The following SRCIN1 variants were observed in gnomAD, a reference collection of about 807,000 sequenced individuals.
SRCIN1 encodes the protein SRC kinase signaling inhibitor 1, also known as P130Cas-associated protein.
In SRCIN1, 50 loss-of-function variants were observed where a neutral mutation model predicts 116.2. That is an observed-to-expected ratio of 0.43 (90% CI 0.34 to 0.54). SRCIN1 has a LOEUF of 0.54. SRCIN1 is among the 20% of genes least tolerant of loss of function. The pLI is 0.02. For synonymous variants in SRCIN1, 736 were observed against 750.0 expected, an observed-to-expected ratio of 0.98 and a Z score of 0.30; for missense variants, 1,446 against 1,672.0, an observed-to-expected ratio of 0.86 and a Z score of 2.36.
In SRCIN1 at chr17:38,561,846, C is replaced by G. The variant is rs907176113; in HGVS notation, c.1317G>C (p.Ser439=). 1 of 1,473,964 alleles carries G rather than the reference C, an allele frequency of 6.8e-7. No individual in the cohort carries two copies. Among genetic ancestry groups the G allele is most frequent in the East Asian group, 2.7e-5 (1 of 36,486 alleles). 91.3% of individuals were successfully genotyped at this position (1,473,964 alleles called of 1,614,324 possible). A position where few individuals can be genotyped will look rare whatever the true frequency, so the allele number is the denominator to read the frequency against. ...RGSVRSLSTY[S]AAALQSDLED... ...CCAGATCGGACTGCAGCGCGGCGGC[C>G]GAGTAGGTGCTGAGCGAGCGCACCG... Residue 439 remains serine, a synonymous_variant, in exon 7 of 19, where the codon TCG becomes TCC. Coordinates refer to ENST00000617146, the MANE Select transcript of SRCIN1 (RefSeq NM_025248.3).
Position 38,552,852 on chromosome 17 carries a change from G to A in SRCIN1, c.2205C>T (p.Asp735=). The change falls in exon 12 of 19, where the codon GAC becomes GAT. Residue 735 remains aspartate (D), a synonymous_variant. Transcript: ENST00000617146. The surrounding 1 kb of genome is among the most constrained non-coding windows in gnomAD (Gnocchi z 5.3). The stretch of plus-strand genomic sequence containing the variant: ...GGATCTTCTCCACCGATTTCTCCAG[G>A]TCACTGCAGCCACAGAGAGACCCTT... ...DEELITQQLN[D]LEKSVEKIQR... 1 of 1,613,846 alleles carries A rather than the reference G, an allele frequency of 6.2e-7. No individual in the cohort carries two copies. Among genetic ancestry groups the A allele is most frequent in the Non-Finnish European group, 8.5e-7 (1 of 1,179,804 alleles).
At chr17:38,540,428 G>A (rs888527308) in intron 18 of SRCIN1, among the ~76,000 whole-genome samples, 7 of 112,882 alleles carry the variant, frequency 6.2e-5, no homozygotes, top group South Asian at 3.2e-4. Flanking sequence ...GCCGGCCACC[G>A]TAGAGCTCAC....
intron 1 of SRCIN1, among the ~76,000 whole-genome samples, chr17:38,582,290 TG>T (rs1477442943): frequency 6.6e-6 from 1 of 152,026 alleles, no homozygotes; most frequent in Admixed American, 6.5e-5. Context: ...GAGCAAACAG[TG>T]TACCAGCCTG....
At chr17:38,596,053 C>A (rs1331184711) in intron 1 of SRCIN1, among the ~76,000 whole-genome samples, 1 of 152,194 alleles carries the variant, frequency 6.6e-6, no homozygotes, top group Non-Finnish European at 1.5e-5. Flanking sequence ...CCTCCCTCCT[C>A]CTGGCTTACT....
chr17:38,543,258 A>G (rs1904861684), intron 18 of SRCIN1: 1 of 454,096 alleles, frequency 2.2e-6, no homozygotes, highest in Non-Finnish European at 4.4e-6. Context: ...ACTGAAACCC[A>G]AACACAAGGC....
intron 2 of SRCIN1, among the ~76,000 whole-genome samples, chr17:38,573,063 A>T (rs1907202511): frequency 6.6e-6 from 1 of 152,132 alleles, no homozygotes; most frequent in African/African-American, 2.4e-5. Flanking sequence ...GAGGGAGGTT[A>T]GACAGCCTGG....
intron 2 of SRCIN1, among the ~76,000 whole-genome samples, chr17:38,575,675 G>A (rs929356722): frequency 1.3e-5 from 2 of 152,082 alleles, no homozygotes; most frequent in African/African-American, 2.4e-5. Flanking sequence ...AATAGGAACC[G>A]CTGGGCAGGA....
intron 1 of SRCIN1, among the ~76,000 whole-genome samples, chr17:38,587,600 T>G (rs1381012775): frequency 6.6e-6 from 1 of 151,852 alleles, no homozygotes; most frequent in Non-Finnish European, 1.5e-5. Flanking sequence ...GACAAGGATT[T>G]TTCCATTCCA....
At chr17:38,536,522 G>A (rs144878998) in intron 18 of SRCIN1, among the ~76,000 whole-genome samples, 2 of 152,324 alleles carry the variant, frequency 1.3e-5, no homozygotes, top group South Asian at 2.1e-4. Context: ...GATCAGAGCC[G>A]GCCACCTGCT....
At position 38,558,289 on chromosome 17, in the gene SRCIN1, G is replaced by C; in HGVS notation, c.2139C>G (p.Thr713=). The change falls in exon 11 of 19, where the codon ACC becomes ACG. Residue 713 remains threonine, a synonymous_variant. Transcript: ENST00000617146. The surrounding 1 kb of genome is among the most constrained non-coding windows in gnomAD (Gnocchi z 4.6). ...RQEDPLQRQR[T]LVEEERLRYL... ...AGCGCAGCCGTTCCTCTTCCACCAG[G>C]GTGCGCTGCCGCTGCAGCGGGTCCT... is the stretch of plus-strand genomic sequence containing the variant. 3.1e-6 allele frequency: 5 copies of C among 1,612,288 alleles called. No individual in the cohort carries two copies. Among genetic ancestry groups the C allele is most frequent in the East Asian group, 2.2e-5 (1 of 44,872 alleles).
chr17:38,592,542 A>G (rs1379670147), intron 1 of SRCIN1, among the ~76,000 whole-genome samples: 1 of 152,220 alleles, frequency 6.6e-6, no homozygotes, highest in African/African-American at 2.4e-5. Context: ...CACCTTGGCC[A>G]CTTCCCATAT....
Position 38,578,723 on chromosome 17 carries a change from G to T in SRCIN1, c.91C>A (p.Leu31Met). The part of the protein sequence containing the change: ...DAEYPREYRT[L>M]GGGGGGGSGG... ...CTGCCCCCGCCGCCCCCGCCCCCCA[G>T]GGTCCGGTACTCCCGCGGGTACTCC... is the stretch of plus-strand genomic sequence containing the variant. Residue 31 changes from leucine (L) to methionine (M), a missense_variant, in exon 2 of 19, where the codon CTG becomes ATG. By Grantham distance (15) the Leu-to-Met change is conservative. Transcript: ENST00000617146. The T allele has an allele frequency of 4.0e-6, 6 of 1,515,128 alleles. No homozygotes were observed. Among genetic ancestry groups the T allele is most frequent in the Non-Finnish European group, 5.3e-6 (6 of 1,133,284 alleles). The allele number at this position is 1,515,128 out of a possible 1,614,324, so 93.9% of individuals were successfully genotyped here.
intron 2 of SRCIN1, among the ~76,000 whole-genome samples, chr17:38,577,104 G>C (rs1907466114): frequency 1.3e-5 from 2 of 152,114 alleles, no homozygotes; most frequent in African/African-American, 4.8e-5. Context: ...CTTTCCTTTA[G>C]GGCTATGCAA....
intron 1 of SRCIN1, among the ~76,000 whole-genome samples, chr17:38,579,197 G>A (rs1411279357): frequency 6.6e-6 from 1 of 152,170 alleles, no homozygotes; most frequent in Non-Finnish European, 1.5e-5. Flanking sequence ...GGGAAGGAGG[G>A]GTGCTTTTTA....
chr17:38,535,675 A>T (rs549047576), intron 18 of SRCIN1, among the ~76,000 whole-genome samples: 1 of 152,242 alleles, frequency 6.6e-6, no homozygotes, highest in African/African-American at 2.4e-5. Context: ...AGACAAACTC[A>T]TCCAACGGGA....
At chr17:38,596,373 G>A (rs1908731618) in intron 1 of SRCIN1, among the ~76,000 whole-genome samples, 1 of 152,186 alleles carries the variant, frequency 6.6e-6, no homozygotes. Flanking sequence ...CATAGGAAGA[G>A]CAGGGACTGA....
intron 18 of SRCIN1, 120 bp downstream of exon 18, chr17:38,543,703 C>G: frequency 7.1e-7 from 1 of 1,401,250 alleles, no homozygotes; most frequent in East Asian, 2.5e-5. Context: ...CAGGGAAGGT[C>G]TGTCTGGGAA....
chr17:38,597,868 TTC>T (rs1908804666), intron 1 of SRCIN1, among the ~76,000 whole-genome samples: 1 of 152,158 alleles, frequency 6.6e-6, no homozygotes, highest in Non-Finnish European at 1.5e-5. Flanking sequence ...AGGCAGACTG[TTC>T]TAACCCCAGG....
chr17:38,592,950 C>T (rs1313344073), intron 1 of SRCIN1, among the ~76,000 whole-genome samples: 1 of 152,024 alleles, frequency 6.6e-6, no homozygotes, highest in East Asian at 1.9e-4. Context: ...CTCTCCTCAC[C>T]ACAGCCCCCA....
Sources: allele counts gnomAD v4.1 joint callset (sites outside exome capture counted in the v4.1 genomes callset), GRCh38; gene constraint gnomAD v4.1.1; non-coding constraint Gnocchi (gnomAD v3.1); transcripts MANE v1.5; gene names NCBI Gene and HGNC (gene_info 2026-07-23, HGNC 2026-07-21).